Variants in MAN2A2 observed in about 807,000 individuals in gnomAD.
The protein encoded by MAN2A2 is mannosidase alpha class 2A member 2.
Under a neutral mutation model 126.8 loss-of-function variants are expected in MAN2A2, and 79 were observed. That is an observed-to-expected ratio of 0.62 (90% CI 0.52 to 0.75). The LOEUF (loss-of-function observed/expected upper bound fraction) is 0.75. Among genes scored for constraint, MAN2A2 ranks in the 30% least tolerant of loss-of-function variants. The pLI is 0.00. For synonymous variants in MAN2A2, 671 were observed against 618.7 expected (o/e 1.08, Z -1.25); for missense variants, 1,392 against 1,522.4 (o/e 0.91, Z 1.43).
intron 20 of MAN2A2, among the ~76,000 whole-genome samples, chr15:90,917,090 A>C (rs1269775535): frequency 6.6e-6 from 1 of 152,232 alleles, no homozygotes; most frequent in Admixed American, 6.5e-5. Context: ...GAGCTATGCT[A>C]TCCAGTACGG....
chr15:90,906,957 C>T (rs1482020151), intron 7 of MAN2A2, 44 bp downstream of exon 7: 1 of 1,599,068 alleles, frequency 6.3e-7, no homozygotes. Flanking sequence ...GCATAGTCTT[C>T]ACTGGGGAAC....
In MAN2A2 at chr15:90,905,373, G is replaced by A. The variant is rs1287672174; in HGVS notation, c.255G>A (p.Pro85=). The change falls in exon 3 of 23, where the codon CCG becomes CCA. Residue 85 remains proline, a synonymous_variant. Coordinates refer to ENST00000559717, the MANE Select transcript of MAN2A2 (RefSeq NM_006122.4). ...VLELTANAEG[P]PAMLPYYTVN... ...AGCTGACAGCCAACGCAGAGGGCCC[G>A]CCCGCCATGCTGCCCTACTACACGG... 7 of 1,613,670 alleles carry A rather than the reference G, an allele frequency of 4.3e-6. No individual in the cohort carries two copies. The highest frequency in any genetic ancestry group is 4.5e-5 in the East Asian group (2 of 44,896).
Position 90,905,389 on chromosome 15 carries a change from T to A in MAN2A2, c.271T>A (p.Tyr91Asn). 6.2e-7 allele frequency: 1 copy of A among 1,613,966 alleles called. No individual in the cohort carries two copies. Among genetic ancestry groups the A allele is most frequent in the Non-Finnish European group, 8.5e-7 (1 of 1,180,024 alleles). ...AGAGGGCCCGCCCGCCATGCTGCCC[T>A]ACTACACGGTCAATGGCTCCTGGGT... ...NAEGPPAMLP[Y>N]YTVNGSWVVP... The change falls in exon 3 of 23, where the codon TAC (tyrosine) becomes AAC (asparagine). Residue 91 changes from tyrosine (Y) to asparagine (N), a missense_variant. Coordinates refer to ENST00000559717, the MANE Select transcript of MAN2A2 (RefSeq NM_006122.4).
At position 90,905,935 on chromosome 15, in the gene MAN2A2, G is replaced by A. The variant is rs1289449686; in HGVS notation, c.626G>A (p.Arg209Gln). The A allele has an allele frequency of 6.2e-6, 10 of 1,613,380 alleles. No individual in the cohort carries two copies. Among genetic ancestry groups the A allele is most frequent in the Non-Finnish European group, 8.5e-6 (10 of 1,179,634 alleles). Residue 209 changes from arginine (R) to glutamine (Q), a missense_variant, in exon 5 of 23, where the codon CGG becomes CAG. By Grantham distance (43) the Arg-to-Gln change is conservative. Coordinates refer to ENST00000559717, the MANE Select transcript of MAN2A2 (RefSeq NM_006122.4). ...TCTAAGCTGCAGGAGGACCCCCGGC[G>A]GCGCTTCCTCTGGGCAGAGGTCTCC... ...MVSKLQEDPR[R>Q]RFLWAEVSFF... is the part of the protein sequence containing the mutation.
intron 3 of MAN2A2, 34 bp downstream of exon 3, chr15:90,905,542 C>G: frequency 6.2e-7 from 1 of 1,614,114 alleles, no homozygotes; most frequent in Non-Finnish European, 8.5e-7. Context: ...CGTACAGTGG[C>G]CACGACTGGG....
intron 19 of MAN2A2, among the ~76,000 whole-genome samples, chr15:90,914,399 C>T (rs548255070): frequency 2.2e-4 from 34 of 152,218 alleles, no homozygotes; most frequent in African/African-American, 6.7e-4. Context: ...CTCTTCTGGG[C>T]GGGGCTGAGA....
chr15:90,910,314 C>T (rs199711299), intron 10 of MAN2A2, 22 bp downstream of exon 10: 1 of 1,612,520 alleles, frequency 6.2e-7, no homozygotes, highest in East Asian at 2.2e-5. Flanking sequence ...TCCCCGCTTC[C>T]AGGCTGGAGG....
rs2034899057 is a variant in MAN2A2 at position 90,913,192 on chromosome 15, G to A, written c.2585-81G>A. 20 of 1,536,594 alleles carry A rather than the reference G, an allele frequency of 1.3e-5. No homozygotes were observed. The East Asian group carries it at 4.5e-4, about 35-fold the overall frequency. On this transcript the variant is annotated intron_variant, in intron 17 of 22. Transcript: ENST00000559717. ...GTTGGACAGAGCCTCTCCCCAGCTC[G>A]GCTCTGATCCCCCAGCCCAGCCTCT... is the stretch of plus-strand genomic sequence containing the variant.
At chr15:90,915,026 C>CT (rs1229714981) in intron 19 of MAN2A2, among the ~76,000 whole-genome samples, 3 of 152,210 alleles carry the variant, frequency 2.0e-5, no homozygotes, top group African/African-American at 7.2e-5. Context: ...CCAGTCAAGG[C>CT]TAGGCGTGGC....
At chr15:90,906,261 T>G in intron 5 of MAN2A2, 109 bp from the exon 6 acceptor site, 6 of 1,448,540 alleles carry the variant, frequency 4.1e-6, no homozygotes, top group Non-Finnish European at 5.7e-6. Flanking sequence ...GTCCTGGGAT[T>G]GGGAGAACTG....
At chr15:90,906,606 A>G in intron 6 of MAN2A2, 109 bp downstream of exon 6, 1 of 1,577,826 alleles carries the variant, frequency 6.3e-7, no homozygotes, top group Non-Finnish European at 8.6e-7. Context: ...GGCAGATCCC[A>G]CCATGTGGGC....
intron 17 of MAN2A2, 24 bp from the exon 18 acceptor site, chr15:90,913,249 C>T (rs374373254): frequency 1.9e-6 from 3 of 1,612,078 alleles, no homozygotes; most frequent in South Asian, 1.1e-5. Flanking sequence ...CCTGTCCATG[C>T]CCCCACTTTG....
At chr15:90,912,850 T>C in intron 16 of MAN2A2, 27 bp from the exon 17 acceptor site, 1 of 1,591,546 alleles carries the variant, frequency 6.3e-7, no homozygotes, top group East Asian at 2.2e-5. Context: ...GTGCTGTAGT[T>C]TCAACAGCAA....
rs566677943 is a variant in MAN2A2, at chr15:90,910,674, A to G, written c.1751A>G (p.Tyr584Cys). 6 of 1,613,896 alleles carry G rather than the reference A, an allele frequency of 3.7e-6. No homozygotes were observed. The highest frequency in any genetic ancestry group is 4.2e-6 in the Non-Finnish European group (5 of 1,179,984). The change falls in exon 11 of 23, where the codon TAT becomes TGT. Residue 584 changes from tyrosine to cysteine, a missense_variant. Transcript: ENST00000559717. ...GTAKEAVVVD[Y>C]GVRLLRSLVN... ...GCCAAGGAGGCTGTGGTGGTGGACT[A>G]TGGGGTCAGGTGGGAGCCTTCTCTT... is the stretch of plus-strand genomic sequence containing the variant.
In MAN2A2 at chr15:90,905,283, G is replaced by A. The variant is rs374981997; in HGVS notation, c.165G>A (p.Glu55=). The A allele has an allele frequency of 6.2e-6, 10 of 1,613,504 alleles. No individual in the cohort carries two copies. The highest frequency in any genetic ancestry group is 7.6e-6 in the Non-Finnish European group (9 of 1,180,032). Residue 55 remains glutamate (E), a synonymous_variant, in exon 3 of 23, where the codon GAG becomes GAA. Coordinates refer to ENST00000559717, the MANE Select transcript of MAN2A2 (RefSeq NM_006122.4). ...SQISVLQNRI[E]QLEQLLEENH... is the part of the protein sequence containing the mutation. ...TTTCTGTGCTGCAGAACCGCATTGA[G>A]CAGCTGGAGCAGCTTTTGGAGGAGA...
At position 90,920,491 on chromosome 15, in the gene MAN2A2, C is replaced by T. The variant is rs1037594719; in HGVS notation, c.*704C>T. On this transcript the variant is annotated 3_prime_UTR_variant, in exon 23 of 23. Transcript: ENST00000559717. ...CATAGGTCACTTCAGGTAGCAAGAC[C>T]CCTGGCAAACTGGGCACTTGGCCTA... The T allele has an allele frequency of 6.6e-6, 1 of 152,302 alleles. No homozygotes were observed. The highest frequency in any genetic ancestry group is 1.5e-5 in the Non-Finnish European group (1 of 68,128). 9.4% of individuals were successfully genotyped at this position (152,302 alleles called of 1,614,324 possible). A position where few individuals can be genotyped will look rare whatever the true frequency, so the allele number is the denominator to read the frequency against.
intron 16 of MAN2A2, 26 bp downstream of exon 16, chr15:90,912,690 C>A: frequency 6.2e-7 from 1 of 1,613,512 alleles, no homozygotes; most frequent in Non-Finnish European, 8.5e-7. Context: ...CTTGAACAAC[C>A]TGGCAGGGAG....
rs142190664 is a variant in MAN2A2 at position 90,912,968 on chromosome 15, C to A, written c.2561C>A (p.Ala854Glu). The part of the protein sequence containing the change: ...VVAYYEHIHQ[A>E]VRLYNLPGVE... ...GCGTACTATGAGCACATTCACCAGG[C>A]GGTCCGGCTTTACAATCTGCCAGGT... The change falls in exon 17 of 23, where the codon GCG becomes GAG. Residue 854 changes from alanine to glutamate, a missense_variant. Physicochemically the swap from Ala to Glu is moderately radical, Grantham distance 107. Transcript: ENST00000559717. 37 of 1,613,772 alleles carry A rather than the reference C, an allele frequency of 2.3e-5. No individual in the cohort carries two copies. The highest frequency in any genetic ancestry group is 3.1e-5 in the Non-Finnish European group (36 of 1,179,848).
intron 8 of MAN2A2, 166 bp downstream of exon 8, chr15:90,907,661 C>T: frequency 1.6e-6 from 1 of 635,688 alleles, no homozygotes; most frequent in Non-Finnish European, 2.7e-6. Context: ...CTCTTGCAAC[C>T]ACCTTTCACA....
Sources: allele counts gnomAD v4.1 joint callset (sites outside exome capture counted in the v4.1 genomes callset), GRCh38; gene constraint gnomAD v4.1.1; transcripts MANE v1.5; gene names NCBI Gene and HGNC (gene_info 2026-07-23, HGNC 2026-07-21).